Variants in PTCHD4 observed in about 807,000 individuals in gnomAD.
PTCHD4 encodes the protein patched domain containing 4.
PTCHD4 carries 33 observed loss-of-function variants against 58.1 expected under a neutral mutation model. That is an observed-to-expected ratio of 0.57 (90% confidence interval 0.43 to 0.76). The LOEUF is 0.76. Ranked by LOEUF, PTCHD4 falls within the 30% of genes least tolerant of loss-of-function variation. The pLI, the probability that PTCHD4 is intolerant of heterozygous loss-of-function variation, is 0.00. For synonymous variants in PTCHD4, 478 were observed against 409.6 expected, an observed-to-expected ratio of 1.17 and a Z score of -2.02; for missense variants, 1,058 against 1,027.1, an observed-to-expected ratio of 1.03 and a Z score of -0.41.
chr6:48,059,694 T>C (rs1187591748), intron 3 of PTCHD4, among the ~76,000 whole-genome samples: 2 of 151,928 alleles, frequency 1.3e-5, no homozygotes, highest in African/African-American at 4.8e-5. Context: ...TGGGGGTAGG[T>C]CTGAGATGTA....
Position 47,916,581 on chromosome 6 carries a change from G to C in PTCHD4, c.899-36645C>G, listed in dbSNP as rs540764411. Among the ~76,000 whole-genome samples, 5 of 152,066 alleles carry C rather than the reference G, an allele frequency of 3.3e-5. No homozygotes were observed. The South Asian group carries it at 1.0e-3, about 32-fold the overall frequency. Reference sequence around the variant, plus strand: ...ACCTAGAAAAGGGGGGCAGAAGTAGGCAGCCTTGAACCAAACTTTCTTACC... The same window carrying C: ...ACCTAGAAAAGGGGGGCAGAAGTAGCCAGCCTTGAACCAAACTTTCTTACC... On this transcript the variant is annotated intron_variant, in intron 4 of 4. Transcript: ENST00000339488.
intron 3 of PTCHD4, among the ~76,000 whole-genome samples, chr6:48,018,880 C>A (rs1762958729): frequency 6.6e-6 from 1 of 152,134 alleles, no homozygotes; most frequent in South Asian, 2.1e-4. Flanking sequence ...AGCAGCAAAT[C>A]CCTATGTATA....
intron 3 of PTCHD4, among the ~76,000 whole-genome samples, chr6:48,058,262 A>T (rs974330367): frequency 6.6e-6 from 1 of 152,282 alleles, no homozygotes; most frequent in African/African-American, 2.4e-5. Flanking sequence ...GTTTCAGCAG[A>T]TCCCGAATTA....
chr6:48,068,650 G>C lies in PTCHD4; in HGVS notation c.6-9C>G. 6.5e-7 allele frequency: 1 copy of C among 1,540,568 alleles called. No individual in the cohort carries two copies. The highest frequency in any genetic ancestry group is 8.7e-7 in the Non-Finnish European group (1 of 1,148,516). On this transcript the variant is annotated splice_polypyrimidine_tract_variant and intron_variant, in intron 2 of 4. Transcript: ENST00000339488. The surrounding 1 kb of genome is among the most constrained non-coding windows in gnomAD (Gnocchi z 4.2). ...CAGGCGCTCCCGGCCGTCTTAAAAA[G>C]CACATGTGACATGTGTAAGCGCCGG...
chr6:47,928,685 T>A (rs1391366393), intron 4 of PTCHD4, among the ~76,000 whole-genome samples: 1 of 152,232 alleles, frequency 6.6e-6, no homozygotes, highest in African/African-American at 2.4e-5. Flanking sequence ...CAGATATATA[T>A]CACATTATAG....
chr6:47,880,320 T>C (rs1409126934), intron 4 of PTCHD4, among the ~76,000 whole-genome samples: 2 of 152,214 alleles, frequency 1.3e-5, no homozygotes, highest in African/African-American at 4.8e-5. Flanking sequence ...TAACATCATG[T>C]CAAGTGCTTG....
At chr6:47,888,788 C>T (rs1176113054) in intron 4 of PTCHD4, among the ~76,000 whole-genome samples, 1 of 140,260 alleles carries the variant, frequency 7.1e-6, no homozygotes, top group Non-Finnish European at 1.5e-5. Context: ...GGTATATCTC[C>T]CAATGCTATC....
Position 47,893,065 on chromosome 6 carries a change from C to T in PTCHD4, c.899-13129G>A, listed in dbSNP as rs144046648. Among the ~76,000 whole-genome samples, 891 of 152,244 alleles carry T rather than the reference C, an allele frequency of 5.9e-3. 11 individuals carry two copies. The highest frequency in any genetic ancestry group is 0.037 in the Middle Eastern group (11 of 294). On this transcript the variant is annotated intron_variant, in intron 4 of 4. Transcript: ENST00000339488. ...CTCGCTCTGTCACCAGGGTGGAGTG[C>T]AGTGGTGCGATCTTGGCTCACTGCA...
chr6:47,924,352 T>C (rs16876826), intron 4 of PTCHD4, among the ~76,000 whole-genome samples: 24,129 of 152,074 alleles, frequency 0.16, 2,303 homozygotes, highest in African/African-American at 0.27. Flanking sequence ...CAGGCTATTT[T>C]GGGTTATTAT....
At chr6:47,919,586 G>T (rs1378736205) in intron 4 of PTCHD4, among the ~76,000 whole-genome samples, 1 of 152,150 alleles carries the variant, frequency 6.6e-6, no homozygotes, top group African/African-American at 2.4e-5. Context: ...GGCCATGAGC[G>T]TGCTTAGAGA....
At chr6:48,011,026 C>T (rs1484196292) in intron 3 of PTCHD4, among the ~76,000 whole-genome samples, 2 of 152,154 alleles carry the variant, frequency 1.3e-5, no homozygotes, top group Non-Finnish European at 2.9e-5. Flanking sequence ...GTGAACAGTC[C>T]TGCAATAAAC....
intron 4 of PTCHD4, among the ~76,000 whole-genome samples, chr6:47,933,095 C>A (rs965144939): frequency 6.6e-6 from 1 of 152,194 alleles, no homozygotes; most frequent in African/African-American, 2.4e-5. Context: ...ACACTTTCTG[C>A]AAGTTCCTAG....
At chr6:48,054,616 T>G (rs933729139) in intron 3 of PTCHD4, among the ~76,000 whole-genome samples, 1 of 152,176 alleles carries the variant, frequency 6.6e-6, no homozygotes, top group Non-Finnish European at 1.5e-5. Flanking sequence ...AGAAGTATTC[T>G]AAAGTTACCA....
chr6:48,011,442 G>C (rs1161387939), intron 3 of PTCHD4, among the ~76,000 whole-genome samples: 1 of 151,578 alleles, frequency 6.6e-6, no homozygotes, highest in Non-Finnish European at 1.5e-5. Context: ...TTGTAAATTT[G>C]GTTAAGTTCC....
intron 4 of PTCHD4, among the ~76,000 whole-genome samples, chr6:47,888,830 C>T (rs1764282771): frequency 7.8e-6 from 1 of 127,800 alleles, no homozygotes; most frequent in African/African-American, 3.0e-5. Flanking sequence ...ACAACAGTCC[C>T]CAGAGTGTGA....
chr6:47,868,417 A>G lies in PTCHD4; in HGVS notation c.*9886T>C, dbSNP rs1398808755. On this transcript the variant is annotated 3_prime_UTR_variant, in exon 5 of 5. Transcript: ENST00000339488. ...GAAAATGAAACAAAACAACAACAAA[A>G]GCTTCTGAATATGGGCTCTCAAAGA... Among the ~76,000 whole-genome samples the G allele has an allele frequency of 1.3e-5, 2 of 151,780 alleles. No homozygotes were observed. Among genetic ancestry groups the G allele is most frequent in the Non-Finnish European group, 2.9e-5 (2 of 67,802 alleles).
chr6:48,044,014 T>C (rs1270125447), intron 3 of PTCHD4, among the ~76,000 whole-genome samples: 3 of 151,874 alleles, frequency 2.0e-5, no homozygotes, highest in Non-Finnish European at 4.4e-5. Flanking sequence ...ATAGGAACCT[T>C]GTTTTTCCCA....
intron 4 of PTCHD4, among the ~76,000 whole-genome samples, chr6:47,923,622 G>C (rs1000919663): frequency 6.6e-6 from 1 of 151,998 alleles, no homozygotes; most frequent in Non-Finnish European, 1.5e-5. Context: ...TTCTTTTCTT[G>C]TTCCAAATGC....
intron 4 of PTCHD4, among the ~76,000 whole-genome samples, chr6:47,891,642 C>G (rs1420178840): frequency 6.6e-6 from 1 of 152,154 alleles, no homozygotes; most frequent in Non-Finnish European, 1.5e-5. Context: ...CTCTTCTTGA[C>G]AGTAAACAAC....
Sources: allele counts gnomAD v4.1 joint callset (sites outside exome capture counted in the v4.1 genomes callset), GRCh38; gene constraint gnomAD v4.1.1; non-coding constraint Gnocchi (gnomAD v3.1); transcripts MANE v1.5; gene names NCBI Gene and HGNC (gene_info 2026-07-23, HGNC 2026-07-21).